The following RASA3 variants were observed in gnomAD, a reference collection of about 807,000 sequenced individuals.
RASA3 encodes the protein ras GTPase-activating protein 3.
Under a neutral mutation model 110.0 loss-of-function variants are expected in RASA3, and 73 were observed. That is an observed-to-expected ratio of 0.66 (90% CI 0.55 to 0.81). RASA3 has a LOEUF of 0.81. RASA3 is among the 30% of genes least tolerant of loss of function. The pLI is 0.00. For synonymous variants in RASA3, 500 were observed against 451.4 expected (o/e 1.11, Z -1.37); for missense variants, 976 against 1,113.2 (o/e 0.88, Z 1.75).
intron 4 of RASA3, among the ~76,000 whole-genome samples, chr13:114,039,955 C>G (rs1312501256): frequency 6.6e-6 from 1 of 152,210 alleles, no homozygotes; most frequent in Non-Finnish European, 1.5e-5. Context: ...CAGCTCAGAC[C>G]CTTCTTGGTG....
chr13:114,000,314 T>C (rs1056048518), intron 19 of RASA3, among the ~76,000 whole-genome samples: 3 of 152,058 alleles, frequency 2.0e-5, no homozygotes, highest in Admixed American at 6.5e-5. Context: ...GGCCCTGCCA[T>C]GCACCCAGGC....
intron 2 of RASA3, among the ~76,000 whole-genome samples, chr13:114,073,448 CATGGGAAAATGGG>C (rs1594425333): frequency 7.6e-6 from 1 of 131,612 alleles, no homozygotes; most frequent in East Asian, 2.4e-4. Context: ...ATTCCCTACA[CATGGGAAAATGGG>C]ACGGTGATGT....
At chr13:114,070,605 C>A (rs575398439) in intron 2 of RASA3, among the ~76,000 whole-genome samples, 7 of 152,156 alleles carry the variant, frequency 4.6e-5, no homozygotes, top group Non-Finnish European at 5.9e-5. Context: ...CCACACTAAA[C>A]GGCGCCAGTG....
chr13:114,039,645 C>A (rs7984414), intron 4 of RASA3, among the ~76,000 whole-genome samples: 55,135 of 152,194 alleles, frequency 0.36, 10,288 homozygotes, highest in Middle Eastern at 0.51. Context: ...GGTGACCCCA[C>A]AGGAGCTGGT....
intron 21 of RASA3, among the ~76,000 whole-genome samples, chr13:113,995,370 G>A (rs1408443120): frequency 6.6e-6 from 1 of 152,258 alleles, no homozygotes; most frequent in East Asian, 1.9e-4. Flanking sequence ...CTGTGTCCAC[G>A]AAGCAGGATC....
Position 114,027,506 on chromosome 13 carries a change from A to AT in RASA3, c.531-46dup, listed in dbSNP as rs767998504. On this transcript the variant is annotated intron_variant, in intron 6 of 23. Transcript: ENST00000334062. The stretch of plus-strand genomic sequence containing the variant: ...GATTGGGATTAAAACAACACTGCTG[A>AT]TTCCAAGTCTCTCAGTGGTAAAACC... The AT allele has an allele frequency of 6.2e-6, 9 of 1,445,744 alleles. No homozygotes were observed. The South Asian group carries it at 9.2e-5, about 15-fold the overall frequency. 89.6% of individuals were successfully genotyped at this position (1,445,744 alleles called of 1,614,324 possible).
intron 4 of RASA3, among the ~76,000 whole-genome samples, chr13:114,032,682 G>T (rs1168955928): frequency 7.6e-6 from 1 of 130,974 alleles, no homozygotes; most frequent in Non-Finnish European, 1.6e-5. Flanking sequence ...CACGTTCCAC[G>T]GCACCCCCAC....
chr13:114,068,187 C>G (rs539432645), intron 2 of RASA3, among the ~76,000 whole-genome samples: 1 of 152,224 alleles, frequency 6.6e-6, no homozygotes, highest in Non-Finnish European at 1.5e-5. Flanking sequence ...GCAAATGAAC[C>G]CTGCAAAGGA....
rs764545265 is a variant in RASA3 at position 114,011,162 on chromosome 13, G to A, written c.1590+9C>T. On this transcript the variant is annotated intron_variant, in intron 16 of 23. Coordinates refer to ENST00000334062, the MANE Select transcript of RASA3 (RefSeq NM_007368.4). This position sits in a 1 kb window ranked among gnomAD's most constrained non-coding sequence, Gnocchi z 4.8. Reference sequence around the variant, plus strand: ...CCCTAAAAAGAGAAAATGAAGAAGAGGGACTCACAGATTTGGACTTGGACA... The same window carrying A: ...CCCTAAAAAGAGAAAATGAAGAAGAAGGACTCACAGATTTGGACTTGGACA... 5 of 1,599,918 alleles carry A rather than the reference G, an allele frequency of 3.1e-6. No homozygotes were observed. The highest frequency in any genetic ancestry group is 2.2e-5 in the East Asian group (1 of 44,800).
chr13:114,082,439 G>A (rs7319304), intron 1 of RASA3, among the ~76,000 whole-genome samples: 37,705 of 152,170 alleles, frequency 0.25, 4,847 homozygotes, highest in East Asian at 0.31. Flanking sequence ...CATCTGCCTC[G>A]GAGAGAGATG....
In RASA3 at chr13:114,131,442, G is replaced by A. The variant is rs117260677; in HGVS notation, c.55+993C>T. Among the ~76,000 whole-genome samples the A allele has an allele frequency of 5.6e-3, 859 of 152,248 alleles. 2 individuals carry two copies. Among genetic ancestry groups the A allele is most frequent in the Non-Finnish European group, 1.0e-2 (680 of 68,002 alleles). On this transcript the variant is annotated intron_variant, in intron 1 of 23. Transcript: ENST00000334062. Reference sequence around the variant, plus strand: ...CGGTCTTGCTCTGGGGGAGGGGGAGGACTTCCACATCACTCTCCCAAGATA... The same window carrying A: ...CGGTCTTGCTCTGGGGGAGGGGGAGAACTTCCACATCACTCTCCCAAGATA...
intron 2 of RASA3, among the ~76,000 whole-genome samples, chr13:114,069,887 G>A (rs866953268): frequency 2.9e-3 from 28 of 9,732 alleles, no homozygotes; most frequent in South Asian, 8.2e-3. Flanking sequence ...CTCAGGGGCC[G>A]GGAGACTCAG....
intron 7 of RASA3, among the ~76,000 whole-genome samples, chr13:114,027,003 T>C (rs957021344): frequency 4.6e-5 from 7 of 152,258 alleles, no homozygotes; most frequent in African/African-American, 1.4e-4. Context: ...TCAGGGATGC[T>C]TGGGCAGAGC....
At chr13:114,105,897 T>C (rs568487471) in intron 1 of RASA3, among the ~76,000 whole-genome samples, 1 of 152,160 alleles carries the variant, frequency 6.6e-6, no homozygotes, top group African/African-American at 2.4e-5. Context: ...GGAATCAGCG[T>C]GGGGGAAAGG....
At chr13:113,993,250 A>G (rs2053159608) in intron 21 of RASA3, among the ~76,000 whole-genome samples, 1 of 152,080 alleles carries the variant, frequency 6.6e-6, no homozygotes, top group Non-Finnish European at 1.5e-5. Flanking sequence ...ATCTCAGCTC[A>G]CTGAAACCTA....
At chr13:113,989,963 G>A (rs1456723942) in intron 22 of RASA3, among the ~76,000 whole-genome samples, 1 of 152,202 alleles carries the variant, frequency 6.6e-6, no homozygotes, top group African/African-American at 2.4e-5. Context: ...AGTGTTGGAG[G>A]AGGGGCCTGG....
intron 4 of RASA3, among the ~76,000 whole-genome samples, chr13:114,038,708 G>A (rs907868648): frequency 7.2e-6 from 1 of 138,990 alleles, no homozygotes; most frequent in Admixed American, 7.1e-5. Context: ...GGGCAAGACG[G>A]TTCCCAGAGG....
At chr13:114,013,690 C>T (rs558250524) in intron 14 of RASA3, among the ~76,000 whole-genome samples, 2 of 94,968 alleles carry the variant, frequency 2.1e-5, no homozygotes, top group African/African-American at 1.4e-4. Context: ...CTCTCCCTAT[C>T]TCTGTCTCTC....
Position 114,065,553 on chromosome 13 carries a change from A to G in RASA3, c.173+8167T>C, listed in dbSNP as rs532016350. ...GAGAAGGGGCAACTTGGCCAGGGAA[A>G]ATGCTCCATCTCCGCAAAGGACAGG... On this transcript the variant is annotated intron_variant, in intron 2 of 23. Transcript: ENST00000334062. The surrounding 1 kb of genome is among the most constrained non-coding windows in gnomAD (Gnocchi z 4.1). 7.6e-4 allele frequency among the ~76,000 whole-genome samples: 115 copies of G among 152,218 alleles called. No individual in the cohort carries two copies. Among genetic ancestry groups the G allele is most frequent in the African/African-American group, 2.7e-3 (113 of 41,528 alleles).
Sources: gnomAD v4.1 joint callset for allele counts (sites outside exome capture counted in the v4.1 genomes callset) on GRCh38, gnomAD v4.1.1 for gene constraint, Gnocchi (gnomAD v3.1) non-coding constraint, MANE v1.5 for transcripts, NCBI Gene and HGNC (gene_info 2026-07-23, HGNC 2026-07-21) for gene names.